Variants in CAPN9 observed in about 807,000 individuals in gnomAD.
CAPN9 encodes calpain-9.
Under a neutral mutation model 92.8 loss-of-function variants are expected in CAPN9, and 81 were observed. The observed-to-expected ratio is 0.87, with a 90% CI of 0.73 to 1.05. The LOEUF is 1.05. Ranked by LOEUF, CAPN9 falls within the 50% of genes least tolerant of loss-of-function variation. The pLI is 0.00. For synonymous variants in CAPN9, 304 were observed against 328.0 expected (o/e 0.93, Z 0.79); for missense variants, 848 against 866.2 (o/e 0.98, Z 0.26).
At chr1:230,795,081 G>A (rs1446580192) in intron 17 of CAPN9, 82 bp from the exon 18 acceptor site, 3 of 845,150 alleles carry the variant, frequency 3.5e-6, no homozygotes, top group Non-Finnish European at 6.0e-6. Flanking sequence ...CTCCTCAGCT[G>A]CCTGGGAGCT....
At chr1:230,798,865 G>C (rs138191755) in intron 19 of CAPN9, among the ~76,000 whole-genome samples, 93 of 152,298 alleles carry the variant, frequency 6.1e-4, no homozygotes, top group Middle Eastern at 3.4e-3. Context: ...CCCTGCCCCA[G>C]ACCTGCTGAA....
At chr1:230,775,351 C>G (rs1347869543) in intron 8 of CAPN9, among the ~76,000 whole-genome samples, 1 of 152,170 alleles carries the variant, frequency 6.6e-6, no homozygotes, top group Non-Finnish European at 1.5e-5. Context: ...AAGGCAGCTG[C>G]CCTGAGAGCA....
At chr1:230,791,510 A>G (rs1667989467) in intron 14 of CAPN9, among the ~76,000 whole-genome samples, 1 of 152,244 alleles carries the variant, frequency 6.6e-6, no homozygotes, top group African/African-American at 2.4e-5. Context: ...TTATATAGAC[A>G]TAGCCTAAGG....
intron 7 of CAPN9, among the ~76,000 whole-genome samples, chr1:230,774,162 G>C (rs1038378060): frequency 6.6e-6 from 1 of 152,218 alleles, no homozygotes; most frequent in African/African-American, 2.4e-5. Context: ...ATTAAGGAAG[G>C]GCCAAGTACT....
chr1:230,757,646 G>A (rs1035624441), intron 2 of CAPN9, among the ~76,000 whole-genome samples: 4 of 151,262 alleles, frequency 2.6e-5, no homozygotes, highest in African/African-American at 9.7e-5. Context: ...CTTTGGGAGG[G>A]GGAGGTGGGA....
At chr1:230,769,661 CT>C (rs1328228182) in intron 6 of CAPN9, among the ~76,000 whole-genome samples, 3 of 123,992 alleles carry the variant, frequency 2.4e-5, no homozygotes, top group African/African-American at 2.8e-5. Flanking sequence ...ATCTATCTAT[CT>C]ATCTATCTAT....
chr1:230,786,842 C>A (rs2102914829), intron 12 of CAPN9, among the ~76,000 whole-genome samples: 1 of 152,228 alleles, frequency 6.6e-6, no homozygotes, highest in East Asian at 1.9e-4. Flanking sequence ...CTCAGGGGAA[C>A]ACATTACATC....
At chr1:230,764,475 T>C (rs1665839182) in intron 4 of CAPN9, among the ~76,000 whole-genome samples, 1 of 152,194 alleles carries the variant, frequency 6.6e-6, no homozygotes, top group African/African-American at 2.4e-5. Flanking sequence ...GGTTCTCCAG[T>C]TTGCAAATGG....
At chr1:230,752,335 C>T (rs1435424516) in intron 1 of CAPN9, among the ~76,000 whole-genome samples, 1 of 152,236 alleles carries the variant, frequency 6.6e-6, no homozygotes, top group Non-Finnish European at 1.5e-5. Context: ...CCCAGAAACA[C>T]TGACCCACAG....
At chr1:230,794,311 G>C (rs1175110951) in intron 17 of CAPN9, among the ~76,000 whole-genome samples, 1 of 151,886 alleles carries the variant, frequency 6.6e-6, no homozygotes, top group African/African-American at 2.4e-5. Flanking sequence ...ATGAAACCCC[G>C]CCTCTACTAA....
chr1:230,794,463 A>G (rs1312392543), intron 17 of CAPN9, among the ~76,000 whole-genome samples: 2 of 152,176 alleles, frequency 1.3e-5, no homozygotes, highest in Non-Finnish European at 2.9e-5. Flanking sequence ...CCTGGGCAAC[A>G]AGAGTGAAAC....
At chr1:230,794,071 G>A (rs1401796010) in intron 17 of CAPN9, among the ~76,000 whole-genome samples, 1 of 152,220 alleles carries the variant, frequency 6.6e-6, no homozygotes, top group East Asian at 1.9e-4. Context: ...CTGGAATTAG[G>A]AAGAAGCAGA....
At position 230,780,292 on chromosome 1, in the gene CAPN9, A is replaced by G. The variant is rs1437300752; in HGVS notation, c.1228A>G (p.Arg410Gly). 14 of 1,614,094 alleles carry G rather than the reference A, an allele frequency of 8.7e-6. No individual in the cohort carries two copies. The highest frequency in any genetic ancestry group is 1.2e-5 in the Non-Finnish European group (14 of 1,180,044). ...LMQKDRRKLKRFGANVLTIGY... is the reference protein window; with the variant it reads ...LMQKDRRKLKGFGANVLTIGY... ...GCAGAAAGATAGAAGGAAACTCAAGAGATTTGGTGCCAATGTGCTGACAAT... is the reference window on the plus strand; with the variant it reads ...GCAGAAAGATAGAAGGAAACTCAAGGGATTTGGTGCCAATGTGCTGACAAT... The change falls in exon 10 of 20, where the codon AGA becomes GGA. Residue 410 changes from arginine to glycine, a missense_variant. Coordinates refer to ENST00000271971, the MANE Select transcript of CAPN9 (RefSeq NM_006615.3).
In CAPN9 at chr1:230,792,944, G is replaced by C; in HGVS notation, c.1870+16G>C. On this transcript the variant is annotated intron_variant, in intron 17 of 19. Coordinates refer to ENST00000271971, the MANE Select transcript of CAPN9 (RefSeq NM_006615.3). ...AAAGCTGCAGGTAAAGAAAAGACTGGAGTACAGGTGGCTGACTGCATGCCA... is the reference window on the plus strand; with the variant it reads ...AAAGCTGCAGGTAAAGAAAAGACTGCAGTACAGGTGGCTGACTGCATGCCA... 1.9e-6 allele frequency: 3 copies of C among 1,597,608 alleles called. No individual in the cohort carries two copies. Among genetic ancestry groups the C allele is most frequent in the Non-Finnish European group, 2.6e-6 (3 of 1,165,376 alleles).
intron 2 of CAPN9, 47 bp from the exon 3 acceptor site, chr1:230,759,465 C>T: frequency 7.4e-7 from 1 of 1,342,536 alleles, no homozygotes; most frequent in South Asian, 1.3e-5. Flanking sequence ...TTCCTATTTG[C>T]TGTGAAATAG....
intron 7 of CAPN9, among the ~76,000 whole-genome samples, chr1:230,772,940 G>A (rs903201491): frequency 3.3e-5 from 5 of 152,092 alleles, no homozygotes; most frequent in South Asian, 2.1e-4. Flanking sequence ...GGATGTTTGT[G>A]TGGGTGCGTG....
chr1:230,788,716 G>A (rs1321790897), intron 13 of CAPN9, among the ~76,000 whole-genome samples: 5 of 152,142 alleles, frequency 3.3e-5, no homozygotes, highest in African/African-American at 4.8e-5. Context: ...GTGGCTGAGC[G>A]CAGCCCTGGG....
At position 230,759,493 on chromosome 1, in the gene CAPN9, T is replaced by C. The variant is rs1236114566; in HGVS notation, c.284-19T>C. The C allele has an allele frequency of 1.3e-6, 2 of 1,557,926 alleles. No individual in the cohort carries two copies. The highest frequency in any genetic ancestry group is 1.7e-4 in the Middle Eastern group (1 of 5,900). ...TGAAATAGCAATGAAAATTGTGATT[T>C]ATGGCTTCCATTTTGCAGGAGACTG... On this transcript the variant is annotated intron_variant, in intron 2 of 19. Transcript: ENST00000271971.
intron 5 of CAPN9, 42 bp downstream of exon 5, chr1:230,767,751 G>C (rs914926123): frequency 3.2e-6 from 5 of 1,560,846 alleles, no homozygotes; most frequent in Non-Finnish European, 2.6e-6. Context: ...CTATGCTGGG[G>C]CTGCATAGTG....
Sources: allele counts gnomAD v4.1 joint callset (sites outside exome capture counted in the v4.1 genomes callset), GRCh38; gene constraint gnomAD v4.1.1; transcripts MANE v1.5; gene names NCBI Gene and HGNC (gene_info 2026-07-23, HGNC 2026-07-21).